ADD3: variants seen among roughly 807,000 people sequenced by gnomAD.
ADD3 encodes the protein gamma-adducin.
In ADD3, 25 loss-of-function variants were observed where a neutral mutation model predicts 80.2. The ratio of observed to expected loss-of-function variants is 0.31; its 90% CI spans 0.23 to 0.44. The LOEUF (loss-of-function observed/expected upper bound fraction) is 0.44. Ranked by LOEUF, ADD3 falls within the 20% of genes least tolerant of loss-of-function variation. The pLI is 1.00. For missense variants in ADD3, 829 were observed against 847.5 expected (o/e 0.98, Z 0.27); for synonymous variants, 284 against 289.6 (o/e 0.98, Z 0.20).
chr10:110,067,402 C>A (rs1378791733), intron 1 of ADD3, among the ~76,000 whole-genome samples: 1 of 152,196 alleles, frequency 6.6e-6, no homozygotes, highest in African/African-American at 2.4e-5. Flanking sequence ...GAGGTGCTAA[C>A]TTGGGCCTTC....
At chr10:110,056,711 A>G (rs988285756) in intron 1 of ADD3, among the ~76,000 whole-genome samples, 1 of 152,218 alleles carries the variant, frequency 6.6e-6, no homozygotes, top group African/African-American at 2.4e-5. Flanking sequence ...TGTCTAGTCA[A>G]CACTGAATAG....
At chr10:110,005,400 C>T (rs1851586769), upstream of ADD3, among the ~76,000 whole-genome samples, 3 of 152,162 alleles carry the variant, frequency 2.0e-5, no homozygotes, top group Admixed American at 2.0e-4. Context: ...ACATTGAAAC[C>T]TGTCAACAAT....
intron 1 of ADD3, among the ~76,000 whole-genome samples, chr10:110,048,522 G>T (rs898790456): frequency 1.3e-5 from 2 of 152,296 alleles, no homozygotes; most frequent in South Asian, 4.1e-4. Context: ...CAATCATATG[G>T]ACAATGAAAT....
At chr10:110,050,510 T>A (rs1857394897) in intron 1 of ADD3, among the ~76,000 whole-genome samples, 3 of 119,556 alleles carry the variant, frequency 2.5e-5, no homozygotes, top group Admixed American at 2.2e-4. Flanking sequence ...AAACCTCTTT[T>A]TTTTTTTTTT....
chr10:110,129,475 C>T (rs1852660536), intron 12 of ADD3, among the ~76,000 whole-genome samples: 1 of 152,090 alleles, frequency 6.6e-6, no homozygotes, highest in African/African-American at 2.4e-5. Flanking sequence ...AGCCTCTGAT[C>T]TTCTGCAGAG....
At chr10:110,052,602 A>AT (rs1284082452) in intron 1 of ADD3, among the ~76,000 whole-genome samples, 1 of 152,202 alleles carries the variant, frequency 6.6e-6, no homozygotes, top group African/African-American at 2.4e-5. Context: ...TGGTGCCAAA[A>AT]AAGTTGGGGA....
intron 9 of ADD3, 136 bp downstream of exon 9, chr10:110,122,428 T>A: frequency 1.4e-6 from 1 of 708,822 alleles, no homozygotes; most frequent in Non-Finnish European, 2.3e-6. Context: ...CATTGTTATT[T>A]AACCACACCT....
chr10:110,122,470 GT>G (rs376807848), intron 9 of ADD3, among the ~76,000 whole-genome samples, 178 bp downstream of exon 9: 2,098 of 148,532 alleles, frequency 0.014, 30 homozygotes, highest in African/African-American at 0.041. Context: ...CAAATGTCGT[GT>G]TTTTTTTTTA....
At chr10:110,121,495 T>TA (rs1231011536) in intron 8 of ADD3, among the ~76,000 whole-genome samples, 16 of 151,830 alleles carry the variant, frequency 1.1e-4, no homozygotes, top group African/African-American at 3.6e-4. Context: ...AATAAATAAA[T>TA]AAATAAATAA....
At chr10:110,059,641 C>G (rs147505533) in intron 1 of ADD3, among the ~76,000 whole-genome samples, 1 of 150,050 alleles carries the variant, frequency 6.7e-6, no homozygotes, top group African/African-American at 2.5e-5. Flanking sequence ...TGGTGGCTTG[C>G]GCCTGTAGTC....
chr10:110,103,326 A>G (rs1378811025), intron 2 of ADD3, among the ~76,000 whole-genome samples: 3 of 152,252 alleles, frequency 2.0e-5, no homozygotes, highest in Non-Finnish European at 2.9e-5. Context: ...GTTTAGGAGC[A>G]GGTTAGCTGA....
upstream of ADD3, among the ~76,000 whole-genome samples, chr10:110,007,541 G>T (rs1176231373): frequency 6.6e-6 from 1 of 152,118 alleles, no homozygotes; most frequent in African/African-American, 2.4e-5. Context: ...TCCCCTTCGC[G>T]GTCGGGTTTC....
chr10:110,054,612 T>G (rs570177767), intron 1 of ADD3, among the ~76,000 whole-genome samples: 210 of 149,774 alleles, frequency 1.4e-3, no homozygotes, highest in African/African-American at 5.1e-3. Context: ...CTGGCAAAAT[T>G]TCTTTTTTTT....
At chr10:110,125,167 T>C (rs1469429465) in intron 10 of ADD3, among the ~76,000 whole-genome samples, 3 of 152,196 alleles carry the variant, frequency 2.0e-5, no homozygotes, top group African/African-American at 7.2e-5. Context: ...ATAATTAAAC[T>C]CATTGGTTTC....
rs562286974 is a variant in ADD3 at position 110,054,296 on chromosome 10, A to G, written c.-30+45997A>G. Among the ~76,000 whole-genome samples, 13 of 152,296 alleles carry G rather than the reference A, an allele frequency of 8.5e-5. No individual in the cohort carries two copies. The South Asian group carries it at 2.7e-3, about 32-fold the overall frequency. ...TTAAGAGCCATAAATCTGAGTCTCA[A>G]AATATTTCAGCCCTATCAGATAATG... is the stretch of plus-strand genomic sequence containing the variant. On this transcript the variant is annotated intron_variant, in intron 1 of 14. Coordinates refer to ENST00000356080, the MANE Select transcript of ADD3 (RefSeq NM_016824.5).
At chr10:110,067,470 C>A (rs972821836) in intron 1 of ADD3, among the ~76,000 whole-genome samples, 1 of 152,138 alleles carries the variant, frequency 6.6e-6, no homozygotes, top group Non-Finnish European at 1.5e-5. Context: ...TTATATTGGA[C>A]CAGCAGGAAT....
chr10:110,108,125 A>T (rs1426061699), intron 2 of ADD3, among the ~76,000 whole-genome samples: 1 of 152,124 alleles, frequency 6.6e-6, no homozygotes, highest in Non-Finnish European at 1.5e-5. Flanking sequence ...TGGCCACACC[A>T]CCCTGATTAG....
chr10:110,092,824 G>A (rs1427821276), intron 1 of ADD3, among the ~76,000 whole-genome samples: 1 of 151,778 alleles, frequency 6.6e-6, no homozygotes, highest in African/African-American at 2.4e-5. Flanking sequence ...TATAAAGTTG[G>A]GGATACTGGT....
chr10:110,015,590 G>C (rs1852877077), intron 1 of ADD3, among the ~76,000 whole-genome samples: 1 of 151,792 alleles, frequency 6.6e-6, no homozygotes, highest in African/African-American at 2.4e-5. Context: ...TAGCCCGGAT[G>C]GTCTCGATCT....
Sources: gnomAD v4.1 joint callset for allele counts (sites outside exome capture counted in the v4.1 genomes callset) on GRCh38, gnomAD v4.1.1 for gene constraint, MANE v1.5 for transcripts, NCBI Gene and HGNC (gene_info 2026-07-23, HGNC 2026-07-21) for gene names.